SMARCC1: variants seen among roughly 807,000 people sequenced by gnomAD.
SMARCC1 encodes SWI/SNF related BAF chromatin remodeling complex subunit C1, also known as SWI/SNF complex subunit SMARCC1.
In SMARCC1, 43 loss-of-function variants were observed where a neutral mutation model predicts 147.4. That is an observed-to-expected ratio of 0.29 (90% CI 0.23 to 0.38). The LOEUF (loss-of-function observed/expected upper bound fraction) is 0.38, where lower values mean the gene tolerates loss of function less well. SMARCC1 is among the 10% of genes least tolerant of loss of function. The pLI is 1.00. For missense variants in SMARCC1, 1,119 were observed against 1,381.1 expected (o/e 0.81, Z 3.01); for synonymous variants, 495 against 484.4 (o/e 1.02, Z -0.29).
chr3:47,706,403 T>C lies in SMARCC1; in HGVS notation c.1040+6A>G, dbSNP rs112063592. ...AATGCCCTTTGAATCATGTAATAGT[T>C]CTTACCCTTTCTTCCCACTCTTCTT... is the stretch of plus-strand genomic sequence containing the variant. On this transcript the variant is annotated splice_donor_region_variant and intron_variant, in intron 10 of 27. Coordinates refer to ENST00000254480, the MANE Select transcript of SMARCC1 (RefSeq NM_003074.4). 3 of 1,558,692 alleles carry C rather than the reference T, an allele frequency of 1.9e-6. No individual in the cohort carries two copies. The highest frequency in any genetic ancestry group is 1.7e-6 in the Non-Finnish European group (2 of 1,157,706).
At chr3:47,693,131 T>C (rs1469382319) in intron 12 of SMARCC1, 110 bp downstream of exon 12, 4 of 733,992 alleles carry the variant, frequency 5.4e-6, no homozygotes, top group Non-Finnish European at 9.6e-6. Flanking sequence ...ATTACACCAC[T>C]GCACTCCAGC....
At chr3:47,759,004 C>T (rs1368410047) in intron 2 of SMARCC1, among the ~76,000 whole-genome samples, 3 of 130,808 alleles carry the variant, frequency 2.3e-5, no homozygotes, top group Non-Finnish European at 3.4e-5. Flanking sequence ...GCAACAAGAG[C>T]GAAACTCTGA....
At chr3:47,707,779 T>C (rs1013779215) in intron 9 of SMARCC1, among the ~76,000 whole-genome samples, 1 of 152,150 alleles carries the variant, frequency 6.6e-6, no homozygotes, top group African/African-American at 2.4e-5. Context: ...CTCAGAATAC[T>C]GAGCCGGGAG....
chr3:47,754,776 C>T (rs1247539060), intron 2 of SMARCC1, among the ~76,000 whole-genome samples: 1 of 152,140 alleles, frequency 6.6e-6, no homozygotes, highest in Non-Finnish European at 1.5e-5. Flanking sequence ...GGCACAGTGC[C>T]CCACGCCTGT....
At chr3:47,596,259 T>C (rs1463089217) in intron 26 of SMARCC1, among the ~76,000 whole-genome samples, 1 of 152,018 alleles carries the variant, frequency 6.6e-6, no homozygotes, top group Non-Finnish European at 1.5e-5. Context: ...AAAGCAATTT[T>C]TTAGAAAATG....
intron 8 of SMARCC1, among the ~76,000 whole-genome samples, chr3:47,712,219 T>A (rs2034092065): frequency 6.6e-6 from 1 of 151,936 alleles, no homozygotes; most frequent in Non-Finnish European, 1.5e-5. Context: ...GCAACAAGAA[T>A]GAAGTTCCGT....
rs770904017 is a variant in SMARCC1 at position 47,635,262 on chromosome 3, T to C, written c.2574A>G (p.Glu858=). ...CAACATTTCCTTCGGAAATTTCATG[T>C]TCTACTTTCTTCTTCCCAGTATCAC... ...RESDTGKKKV[E]HEISEGNVAT... is the part of the protein sequence containing the mutation. Residue 858 remains glutamate (E), a synonymous_variant, in exon 24 of 28, where the codon GAA becomes GAG. Coordinates refer to ENST00000254480, the MANE Select transcript of SMARCC1 (RefSeq NM_003074.4). 1 of 1,613,478 alleles carries C rather than the reference T, an allele frequency of 6.2e-7. No homozygotes were observed. The highest frequency in any genetic ancestry group is 1.7e-5 in the Admixed American group (1 of 60,006).
In SMARCC1 at chr3:47,714,420, A is replaced by G; in HGVS notation, c.787T>C (p.Trp263Arg). The change falls in exon 8 of 28, where the codon TGG becomes CGG. Residue 263 changes from tryptophan (W) to arginine (R), a missense_variant. Physicochemically the swap from Trp to Arg is moderately radical, Grantham distance 101 (BLOSUM62 -3). Transcript: ENST00000254480. ...IEDPPIPEKP[W>R]KVHVKWILDT... ...TTTTTTGTTAAATCATTTACCTTCC[A>G]TGGTTTTTCTGGAATTGGTGGATCT... 2 of 1,570,562 alleles carry G rather than the reference A, an allele frequency of 1.3e-6. No homozygotes were observed. The highest frequency in any genetic ancestry group is 1.4e-5 in the African/African-American group (1 of 73,792).
At chr3:47,634,061 G>C (rs971772210) in intron 24 of SMARCC1, among the ~76,000 whole-genome samples, 3 of 152,270 alleles carry the variant, frequency 2.0e-5, no homozygotes, top group Non-Finnish European at 4.4e-5. Flanking sequence ...AAACTTCCCA[G>C]AGGGGGATGT....
At chr3:47,673,608 G>C (rs2033532360) in intron 18 of SMARCC1, among the ~76,000 whole-genome samples, 1 of 152,206 alleles carries the variant, frequency 6.6e-6, no homozygotes, top group African/African-American at 2.4e-5. Flanking sequence ...AGAATCACTT[G>C]AACCGTGGAG....
chr3:47,595,602 ATAATGT>A (rs2032262194), intron 26 of SMARCC1, among the ~76,000 whole-genome samples: 1 of 152,046 alleles, frequency 6.6e-6, no homozygotes, highest in Non-Finnish European at 1.5e-5. Context: ...CAATCAGAAA[ATAATGT>A]TAATGTCACT....
rs117862504 is a variant in SMARCC1 at position 47,714,354 on chromosome 3, C to T, written c.792+61G>A. On this transcript the variant is annotated intron_variant, in intron 8 of 27. Transcript: ENST00000254480. ...CTCTAGCCTGGGCGACAGAGTGAGA[C>T]GCCATCTCAAAAAAAATTTTAAAAA... The T allele has an allele frequency of 1.5e-3, 1,416 of 945,758 alleles. 52 individuals carry two copies. In the East Asian group the frequency reaches 0.033, roughly 22 times the overall value. 58.6% of individuals were successfully genotyped at this position (945,758 alleles called of 1,614,324 possible).
chr3:47,704,194 T>A (rs983237725), intron 10 of SMARCC1, among the ~76,000 whole-genome samples: 1 of 152,134 alleles, frequency 6.6e-6, no homozygotes, highest in African/African-American at 2.4e-5. Flanking sequence ...ATGATTTTTT[T>A]AAAAGCCTAT....
intron 1 of SMARCC1, among the ~76,000 whole-genome samples, chr3:47,776,785 T>A (rs1009051524): frequency 6.6e-6 from 1 of 151,720 alleles, no homozygotes; most frequent in Non-Finnish European, 1.5e-5. Context: ...ATATTTTTTC[T>A]TTTTTTTAAA....
At chr3:47,735,913 C>A (rs879102630) in intron 5 of SMARCC1, 121 bp downstream of exon 5, 81 of 369,406 alleles carry the variant, frequency 2.2e-4, no homozygotes, top group East Asian at 4.4e-4. Flanking sequence ...AAAAAAATTT[C>A]TTTTGATGCA....
intron 2 of SMARCC1, among the ~76,000 whole-genome samples, chr3:47,770,264 A>G (rs1361489017): frequency 2.0e-5 from 3 of 151,860 alleles, no homozygotes; most frequent in Non-Finnish European, 4.4e-5. Context: ...ATGGTTACTC[A>G]TACCAGTAAT....
chr3:47,780,125 A>G (rs1389397756), intron 1 of SMARCC1, among the ~76,000 whole-genome samples: 1 of 151,558 alleles, frequency 6.6e-6, no homozygotes, highest in Non-Finnish European at 1.5e-5. Flanking sequence ...TTCAAAAACA[A>G]GAAAGAAAGA....
At chr3:47,682,700 G>T (rs1408554819) in intron 14 of SMARCC1, among the ~76,000 whole-genome samples, 3 of 152,082 alleles carry the variant, frequency 2.0e-5, no homozygotes, top group Admixed American at 2.0e-4. Flanking sequence ...AATATATAAA[G>T]ATAGAATATG....
intron 2 of SMARCC1, among the ~76,000 whole-genome samples, chr3:47,768,766 AACAC>A (rs936813042): frequency 1.3e-5 from 2 of 152,188 alleles, no homozygotes; most frequent in Admixed American, 1.3e-4. Flanking sequence ...TAAAATACAT[AACAC>A]ACACACATCC....
Sources: gnomAD v4.1 joint callset for allele counts (sites outside exome capture counted in the v4.1 genomes callset) on GRCh38, gnomAD v4.1.1 for gene constraint, MANE v1.5 for transcripts, NCBI Gene and HGNC (gene_info 2026-07-23, HGNC 2026-07-21) for gene names.